SETD1B: variants seen among roughly 807,000 people sequenced by gnomAD.
SETD1B encodes histone-lysine N-methyltransferase SETD1B.
SETD1B carries 7 observed loss-of-function variants against 148.0 expected under a neutral mutation model. The observed-to-expected ratio is 0.05, with a 90% confidence interval of 0.03 to 0.09. The LOEUF (loss-of-function observed/expected upper bound fraction) is 0.09, where lower values mean the gene tolerates loss of function less well. Ranked by LOEUF, SETD1B falls within the 10% of genes least tolerant of loss-of-function variation. SETD1B has a pLI of 1.00. For synonymous variants in SETD1B, 1,361 were observed against 1,186.5 expected (o/e 1.15, Z -3.02); for missense variants, 2,155 against 2,729.9 (o/e 0.79, Z 4.69).
At chr12:121,793,284 GGCCAAA>G in the SETD1B span, 1 of 1,519,896 alleles carries the variant, frequency 6.6e-7, no homozygotes, top group Non-Finnish European at 8.9e-7. Flanking sequence ...GGCCGGCGGG[GGCCAAA>G]GTTCCAGCTG....
At chr12:121,812,029 C>A (rs1447791033) in intron 6 of SETD1B, among the ~76,000 whole-genome samples, 1 of 152,186 alleles carries the variant, frequency 6.6e-6, no homozygotes, top group Non-Finnish European at 1.5e-5. Context: ...GGCTGAGAGG[C>A]CCGCAGTGGC....
the SETD1B span, among the ~76,000 whole-genome samples, chr12:121,798,915 A>G: frequency 6.6e-6 from 1 of 152,206 alleles, no homozygotes; most frequent in African/African-American, 2.4e-5. Context: ...ATCAATTACT[A>G]TGTGCCAAGC....
chr12:121,810,294 C>G lies in SETD1B; in HGVS notation c.1349C>G (p.Thr450Arg). 1 of 1,543,238 alleles carries G rather than the reference C, an allele frequency of 6.5e-7. No homozygotes were observed. The highest frequency in any genetic ancestry group is 8.7e-7 in the Non-Finnish European group (1 of 1,146,566). The change falls in exon 6 of 17, where the codon ACG (threonine) becomes AGG (arginine). Residue 450 changes from threonine to arginine, a missense_variant. Thr to Arg is a moderately conservative substitution (Grantham distance 71). Coordinates refer to ENST00000604567, the MANE Select transcript of SETD1B (RefSeq NM_001353345.2). This position sits in a 1 kb window ranked among gnomAD's most constrained non-coding sequence, Gnocchi z 7.6. ...CCTCTGGCCAAGGAGAAGCCAGGCA[C>G]GCCACCCGGCCCGCCGCCCCCCGAC... ...AEPLAKEKPGTPPGPPPPDTN... is the reference protein window; with the variant it reads ...AEPLAKEKPGRPPGPPPPDTN...
chr12:121,793,313 ACCCCCCTCACTCGTCCCGGATCAGC>A, the SETD1B span: 1 of 1,457,294 alleles, frequency 6.9e-7, no homozygotes, highest in Non-Finnish European at 9.4e-7. Flanking sequence ...TCCACTGTCC[ACCCCCCTCACTCGTCCCGGATCAGC>A]CCCCCCTCAC....
Position 121,817,691 on chromosome 12 carries a change from C to A in SETD1B, c.3299C>A (p.Ser1100Tyr). The A allele has an allele frequency of 6.5e-7, 1 of 1,548,370 alleles. No homozygotes were observed. The highest frequency in any genetic ancestry group is 8.7e-7 in the Non-Finnish European group (1 of 1,144,796). ...RSQLSSSSTS[S>Y]TSDKDDDDDD... is the part of the protein sequence containing the mutation. Reference sequence around the variant, plus strand: ...CAGCTCTCCTCCTCCTCAACCTCATCCACATCAGATAAGGTGCCTAGCAGG... The same window carrying A: ...CAGCTCTCCTCCTCCTCAACCTCATACACATCAGATAAGGTGCCTAGCAGG... Residue 1100 changes from serine (S) to tyrosine (Y), a missense_variant, in exon 9 of 17, where the codon TCC (serine) becomes TAC (tyrosine). Ser to Tyr is a moderately radical substitution (Grantham distance 144). This residue lies in a region of SETD1B where 862 missense variants were observed against 873.8 expected (regional missense o/e 0.99). Coordinates refer to ENST00000604567, the MANE Select transcript of SETD1B (RefSeq NM_001353345.2). This position sits in a 1 kb window ranked among gnomAD's most constrained non-coding sequence, Gnocchi z 8.1.
intron 16 of SETD1B, among the ~76,000 whole-genome samples, chr12:121,829,354 G>GAGGCCCTT (rs1876987263): frequency 6.6e-6 from 1 of 152,202 alleles, no homozygotes; most frequent in Non-Finnish European, 1.5e-5. Flanking sequence ...ACACAACCAA[G>GAGGCCCTT]AGGCCCTTCC....
In SETD1B at chr12:121,819,549, A is replaced by G. The variant is rs922384791; in HGVS notation, c.3564A>G (p.Glu1188=). Residue 1188 remains glutamate (E), a synonymous_variant, in exon 11 of 17, where the codon GAA becomes GAG. Transcript: ENST00000604567. The part of the protein sequence containing the change: ...EEEVVAREEE[E]EEEEEEMVAE... The stretch of plus-strand genomic sequence containing the variant: ...AGGTAGTGGCCAGGGAAGAGGAGGA[A>G]GAAGAGGAGGAGGAGGAGATGGTGG... The G allele has an allele frequency of 6.4e-6, 10 of 1,551,354 alleles. No individual in the cohort carries two copies. The highest frequency in any genetic ancestry group is 8.7e-6 in the Non-Finnish European group (10 of 1,146,246).
chr12:121,811,987 G>A (rs1002370136), intron 6 of SETD1B, among the ~76,000 whole-genome samples: 14 of 152,212 alleles, frequency 9.2e-5, no homozygotes, highest in Non-Finnish European at 1.9e-4. Flanking sequence ...TGCCTGGGGT[G>A]AGGAGTGTTT....
upstream of SETD1B, chr12:121,799,731 T>TGGGGGGGGGGGGGGGG (rs1308261766): frequency 3.2e-5 from 1 of 31,716 alleles, no homozygotes; most frequent in Admixed American, 3.0e-4. Flanking sequence ...GGGGGGGGGG[T>TGGGGGGGGGGGGGGGG]GGGGTGGGGC....
rs1274717106 is a variant in SETD1B at position 121,814,354 on chromosome 12, G to A, written c.2139G>A (p.Pro713=). 42 of 371,946 alleles carry A rather than the reference G, an allele frequency of 1.1e-4. No individual in the cohort carries two copies. Among genetic ancestry groups the A allele is most frequent in the African/African-American group, 4.4e-4 (13 of 29,348 alleles). The allele number at this position is 371,946 out of a possible 1,614,324, so 23.0% of individuals were successfully genotyped here. A position where few individuals can be genotyped will look rare whatever the true frequency, so the allele number is the denominator to read the frequency against. ...FPMPPPLPPP[P]PPPPPAHPAV... ...TGCCCCCACCGCTGCCCCCACCGCCGCCCCCACCCCCTCCAGCCCACCCTG... is the reference window on the plus strand; with the variant it reads ...TGCCCCCACCGCTGCCCCCACCGCCACCCCCACCCCCTCCAGCCCACCCTG... The change falls in exon 7 of 17, where the codon CCG becomes CCA. Residue 713 remains proline, a synonymous_variant. Coordinates refer to ENST00000604567, the MANE Select transcript of SETD1B (RefSeq NM_001353345.2).
upstream of SETD1B, chr12:121,802,378 C>CCTTT (rs1875422434): frequency 1.3e-5 from 2 of 152,154 alleles, no homozygotes; most frequent in Non-Finnish European, 2.9e-5. Flanking sequence ...TTTTTAAAAA[C>CCTTT]TAAAAGAGTA....
At chr12:121,806,160 C>T (rs1233482369) in intron 4 of SETD1B, 55 bp downstream of exon 4, 3 of 1,521,566 alleles carry the variant, frequency 2.0e-6, no homozygotes, top group Non-Finnish European at 2.7e-6. Context: ...CCCTTTCCCT[C>T]CCCACCCTTC....
chr12:121,790,861 T>A, the SETD1B span, among the ~76,000 whole-genome samples: 1 of 152,110 alleles, frequency 6.6e-6, no homozygotes, highest in African/African-American at 2.4e-5. Context: ...GGTAGGAGGA[T>A]CTTTTTAATT....
At chr12:121,812,481 G>T (rs1168368684) in intron 6 of SETD1B, among the ~76,000 whole-genome samples, 1 of 151,816 alleles carries the variant, frequency 6.6e-6, no homozygotes, top group Admixed American at 6.6e-5. Flanking sequence ...TCCCGGCACC[G>T]CCAGGCCTGC....
At position 121,827,483 on chromosome 12, in the gene SETD1B, C is replaced by T. The variant is rs941633956; in HGVS notation, c.5338-36C>T. The T allele has an allele frequency of 2.0e-6, 3 of 1,501,824 alleles. No homozygotes were observed. The African/African-American group carries it at 4.2e-5, about 21-fold the overall frequency. The allele number at this position is 1,501,824 out of a possible 1,614,324, so 93.0% of individuals were successfully genotyped here. A position where few individuals can be genotyped will look rare whatever the true frequency, so the allele number is the denominator to read the frequency against. On this transcript the variant is annotated intron_variant, in intron 13 of 16. Coordinates refer to ENST00000604567, the MANE Select transcript of SETD1B (RefSeq NM_001353345.2). The stretch of plus-strand genomic sequence containing the variant: ...TAGGGTGGGACCGCCGAGGACACGG[C>T]CAGCTCCGCTGAGCCCCGCACACCG...
At chr12:121,811,957 C>G (rs1381133263) in intron 6 of SETD1B, among the ~76,000 whole-genome samples, 3 of 152,198 alleles carry the variant, frequency 2.0e-5, no homozygotes, top group African/African-American at 7.2e-5. Flanking sequence ...TGGCACCCGT[C>G]TCCTCCGCTC....
chr12:121,822,791 C>A lies in SETD1B; in HGVS notation c.4212C>A (p.Pro1404=), dbSNP rs568711666. The A allele has an allele frequency of 6.5e-5, 98 of 1,512,032 alleles. 1 individual carries two copies. In the East Asian group the frequency reaches 2.3e-3, roughly 35 times the overall value. The allele number at this position is 1,512,032 out of a possible 1,614,324, so 93.7% of individuals were successfully genotyped here. ...TGTCCCTGAGCTCTCCGCAAGTGCC[C>A]GGCAGCCCCTTCTCCTACCCAGCCC... ...SGLSLSSPQV[P]GSPFSYPAPS... The change falls in exon 12 of 17, where the codon CCC becomes CCA. Residue 1404 remains proline (P), a synonymous_variant. Coordinates refer to ENST00000604567, the MANE Select transcript of SETD1B (RefSeq NM_001353345.2).
chr12:121,793,880 G>T, the SETD1B span: 1 of 385,636 alleles, frequency 2.6e-6, no homozygotes, highest in Non-Finnish European at 4.6e-6. Context: ...TGCGAGCAAA[G>T]CTCCCACCCC....
In SETD1B at chr12:121,814,680, C is replaced by T; in HGVS notation, c.2465C>T (p.Ser822Phe). 6.5e-7 allele frequency: 1 copy of T among 1,550,324 alleles called. No individual in the cohort carries two copies. Among genetic ancestry groups the T allele is most frequent in the East Asian group, 2.4e-5 (1 of 40,838 alleles). The change falls in exon 7 of 17, where the codon TCC becomes TTC. Residue 822 changes from serine (S) to phenylalanine (F), a missense_variant. Ser to Phe is a radical substitution (Grantham distance 155). Transcript: ENST00000604567. The part of the protein sequence containing the change: ...VNLPPYRGPF[S>F]LSNSGPGRGQ... ...CTGCCGCCCTACCGGGGCCCCTTCT[C>T]CCTGAGCAACTCCGGCCCAGGCCGC...
Sources: gnomAD v4.1 joint callset for allele counts (sites outside exome capture counted in the v4.1 genomes callset) on GRCh38, gnomAD v4.1.1 for gene constraint, gnomAD v4.1.1 regional missense constraint, Gnocchi (gnomAD v3.1) non-coding constraint, MANE v1.5 for transcripts, NCBI Gene and HGNC (gene_info 2026-07-23, HGNC 2026-07-21) for gene names.